LOXHD1: variants seen among roughly 807,000 people sequenced by gnomAD.
LOXHD1 encodes lipoxygenase homology domain-containing protein 1.
In LOXHD1, 205 loss-of-function variants were observed where a neutral mutation model predicts 248.2. That is an observed-to-expected ratio of 0.83 (90% CI 0.74 to 0.93). LOXHD1 has a LOEUF of 0.93. LOXHD1 is among the 40% of genes least tolerant of loss of function. The pLI is 0.00. For synonymous variants in LOXHD1, 1,113 were observed against 1,162.8 expected, an observed-to-expected ratio of 0.96 and a Z score of 0.87; for missense variants, 2,930 against 2,971.6, an observed-to-expected ratio of 0.99 and a Z score of 0.33.
intron 8 of LOXHD1, among the ~76,000 whole-genome samples, chr18:46,594,693 T>C (rs1284886113): frequency 1.3e-5 from 2 of 152,202 alleles, no homozygotes; most frequent in Non-Finnish European, 2.9e-5. Flanking sequence ...TATTCAAATC[T>C]CAAACTTTTC....
At chr18:46,578,392 G>A (rs984301922) in intron 13 of LOXHD1, among the ~76,000 whole-genome samples, 28 of 152,308 alleles carry the variant, frequency 1.8e-4, no homozygotes, top group Admixed American at 4.6e-4. Context: ...GGACAAAGGC[G>A]TCAGAAGATG....
chr18:46,519,040 G>A (rs1598900973), intron 33 of LOXHD1: 9 of 985,508 alleles, frequency 9.1e-6, no homozygotes, highest in Non-Finnish European at 1.1e-5. Flanking sequence ...GCTCTTCCTG[G>A]TGTGCCTTCA....
At chr18:46,531,600 T>C (rs933949987) in intron 28 of LOXHD1, among the ~76,000 whole-genome samples, 9 of 152,190 alleles carry the variant, frequency 5.9e-5, no homozygotes, top group Non-Finnish European at 1.2e-4. Flanking sequence ...TCCAGTCCTC[T>C]GGGAATTAGG....
At chr18:46,510,781 A>G (rs1181422830) in intron 34 of LOXHD1, among the ~76,000 whole-genome samples, 1 of 152,224 alleles carries the variant, frequency 6.6e-6, no homozygotes, top group Non-Finnish European at 1.5e-5. Context: ...TCTTCTGACA[A>G]CTTGCTCTGT....
chr18:46,518,318 C>T (rs1943205475), intron 33 of LOXHD1, 62 bp from the exon 34 acceptor site: 7 of 1,525,968 alleles, frequency 4.6e-6, no homozygotes, highest in Non-Finnish European at 6.2e-6. Flanking sequence ...ACCTGACCTG[C>T]CTCAGTCTCA....
chr18:46,617,828 C>T (rs2038610538), intron 5 of LOXHD1, among the ~76,000 whole-genome samples: 1 of 152,148 alleles, frequency 6.6e-6, no homozygotes, highest in Admixed American at 6.5e-5. Flanking sequence ...CCACACCCAG[C>T]AACATCCCAA....
chr18:46,541,806 C>T lies in LOXHD1; in HGVS notation c.3883G>A (p.Ala1295Thr). The change falls in exon 25 of 41, where the codon GCA becomes ACA. Residue 1295 changes from alanine to threonine, a missense_variant. Transcript: ENST00000642948. ...GTGTACAGCCTCGTCTGAAGCTCTG[C>T]ATGGAAGAGGTCTCTGATGATGGAC... ...DGSIIRDLFHAELQTRLYTPF... is the reference protein window; with the variant it reads ...DGSIIRDLFHTELQTRLYTPF... The T allele has an allele frequency of 6.4e-7, 1 of 1,551,714 alleles. No individual in the cohort carries two copies. Among genetic ancestry groups the T allele is most frequent in the Non-Finnish European group, 8.7e-7 (1 of 1,146,994 alleles).
chr18:46,580,547 C>T (rs1472416992), intron 12 of LOXHD1, among the ~76,000 whole-genome samples: 1 of 152,222 alleles, frequency 6.6e-6, no homozygotes, highest in Non-Finnish European at 1.5e-5. Context: ...CCCATTCACT[C>T]ACTTATTCAC....
chr18:46,550,781 A>AT (rs1224930532), intron 21 of LOXHD1, among the ~76,000 whole-genome samples: 1 of 152,192 alleles, frequency 6.6e-6, no homozygotes, highest in African/African-American at 2.4e-5. Context: ...GGCCACTGGC[A>AT]TTTTAGGCCT....
chr18:46,643,033 G>C lies in LOXHD1; in HGVS notation c.246-997C>G, dbSNP rs115594603. On this transcript the variant is annotated intron_variant, in intron 2 of 40. Coordinates refer to ENST00000642948, the MANE Select transcript of LOXHD1 (RefSeq NM_001384474.1). The stretch of plus-strand genomic sequence containing the variant: ...TTTAAAATAAAGCGGAAGGGGAAGG[G>C]CCTTCTCCCCAAGGCATCAGGCTCA... Among the ~76,000 whole-genome samples, 892 of 152,266 alleles carry C rather than the reference G, an allele frequency of 5.9e-3. 14 individuals are homozygous for C. Among genetic ancestry groups the C allele is most frequent in the African/African-American group, 0.021 (865 of 41,548 alleles).
chr18:46,559,947 T>C, intron 19 of LOXHD1, 136 bp downstream of exon 19: 1 of 898,126 alleles, frequency 1.1e-6, no homozygotes, highest in Non-Finnish European at 1.7e-6. Flanking sequence ...AAGAGAGCTA[T>C]TTGGGAACCA....
chr18:46,602,099 G>C (rs1029196296), intron 7 of LOXHD1, among the ~76,000 whole-genome samples: 1 of 152,198 alleles, frequency 6.6e-6, no homozygotes, highest in African/African-American at 2.4e-5. Flanking sequence ...AACTAGCAAA[G>C]GGAGATTAAA....
chr18:46,571,758 CT>C (rs1370732704), intron 15 of LOXHD1, among the ~76,000 whole-genome samples: 1 of 152,208 alleles, frequency 6.6e-6, no homozygotes, highest in African/African-American at 2.4e-5. Flanking sequence ...TTTAAAGTCC[CT>C]ATTTTACAGT....
chr18:46,560,618 C>T, intron 18 of LOXHD1, 73 bp from the exon 19 acceptor site: 1 of 1,373,244 alleles, frequency 7.3e-7, no homozygotes, highest in Non-Finnish European at 9.7e-7. Context: ...CCCCGCCCAA[C>T]AAAGAGCCAG....
Position 46,489,061 on chromosome 18 carries a change from C to A in LOXHD1, c.5960G>T (p.Cys1987Phe), listed in dbSNP as rs541903327. 3 of 1,551,726 alleles carry A rather than the reference C, an allele frequency of 1.9e-6. No homozygotes were observed. Among genetic ancestry groups the A allele is most frequent in the Non-Finnish European group, 2.6e-6 (3 of 1,146,996 alleles). ...RDETFHFQCD[C>F]WLSKSEGDGQ... The stretch of plus-strand genomic sequence containing the variant: ...GTCACCCTCACTCTTGGAGAGCCAG[C>A]AGTCACACTGGAAGTGGAAGGTCTC... The change falls in exon 38 of 41, where the codon TGC becomes TTC. Residue 1987 changes from cysteine to phenylalanine, a missense_variant. Cys to Phe is a radical substitution (Grantham distance 205). Coordinates refer to ENST00000642948, the MANE Select transcript of LOXHD1 (RefSeq NM_001384474.1).
intron 24 of LOXHD1, 21 bp downstream of exon 24, chr18:46,542,704 AAC>A: frequency 6.4e-7 from 1 of 1,551,328 alleles, no homozygotes; most frequent in Middle Eastern, 1.7e-4. Context: ...CTTAGCAAGG[AAC>A]AGAGGGGAGG....
chr18:46,615,875 T>C (rs1265047134), intron 5 of LOXHD1, among the ~76,000 whole-genome samples: 2 of 152,224 alleles, frequency 1.3e-5, no homozygotes, highest in Non-Finnish European at 2.9e-5. Flanking sequence ...AATATGTTGT[T>C]AAGTTTACAC....
Position 46,594,471 on chromosome 18 carries a change from G to A in LOXHD1, c.1135-5C>T. On this transcript the variant is annotated splice_region_variant and splice_polypyrimidine_tract_variant and intron_variant, in intron 8 of 40. Transcript: ENST00000642948. The stretch of plus-strand genomic sequence containing the variant: ...GAAGGGGCACAGAATCACCACCTGG[G>A]GAGAGTGGAGCACAGTGTCTCCGGC... The A allele has an allele frequency of 6.4e-7, 1 of 1,551,244 alleles. No individual in the cohort carries two copies. Among genetic ancestry groups the A allele is most frequent in the Non-Finnish European group, 8.7e-7 (1 of 1,146,990 alleles).
At chr18:46,619,334 A>G (rs1003789845) in intron 4 of LOXHD1, among the ~76,000 whole-genome samples, 4 of 152,148 alleles carry the variant, frequency 2.6e-5, no homozygotes, top group African/African-American at 9.7e-5. Flanking sequence ...GCCTTCTCTG[A>G]GCCCTGTCCC....
Sources: allele counts gnomAD v4.1 joint callset (sites outside exome capture counted in the v4.1 genomes callset), GRCh38; gene constraint gnomAD v4.1.1; transcripts MANE v1.5; gene names NCBI Gene and HGNC (gene_info 2026-07-23, HGNC 2026-07-21).